The following SMURF2 variants were observed in gnomAD, a reference collection of about 807,000 sequenced individuals.
SMURF2 encodes SMAD specific E3 ubiquitin protein ligase 2, also known as E3 ubiquitin-protein ligase SMURF2.
In SMURF2, 48 loss-of-function variants were observed where a neutral mutation model predicts 109.6. The ratio of observed to expected loss-of-function variants is 0.44; its 90% CI spans 0.35 to 0.56. The LOEUF is 0.56. SMURF2 is among the 20% of genes least tolerant of loss of function. The probability of loss-of-function intolerance (pLI) is 0.01; values close to 1 mark genes in which losing one functional copy is unlikely to be tolerated. For synonymous variants in SMURF2, 288 were observed against 317.1 expected (o/e 0.91, Z 0.97); for missense variants, 575 against 909.0 (o/e 0.63, Z 4.72).
chr17:64,568,718 C>G (rs1555685307), intron 10 of SMURF2, among the ~76,000 whole-genome samples: 1 of 151,962 alleles, frequency 6.6e-6, no homozygotes, highest in Non-Finnish European at 1.5e-5. Flanking sequence ...TAAAAAAACC[C>G]AGGCCGGGCA....
At chr17:64,627,651 C>T (rs1393317157) in intron 1 of SMURF2, among the ~76,000 whole-genome samples, 2 of 152,152 alleles carry the variant, frequency 1.3e-5, no homozygotes, top group African/African-American at 2.4e-5. Context: ...TAGTCTGCTG[C>T]GGCCAATGCA....
intron 5 of SMURF2, among the ~76,000 whole-genome samples, chr17:64,590,695 T>C (rs1176070602): frequency 1.2e-4 from 19 of 152,306 alleles, no homozygotes; most frequent in African/African-American, 3.4e-4. Flanking sequence ...TCAATTAGCA[T>C]AGATTTTAAA....
At chr17:64,553,460 T>G (rs76880115) in intron 15 of SMURF2, among the ~76,000 whole-genome samples, 14,261 of 151,640 alleles carry the variant, frequency 0.094, 1,088 homozygotes, top group African/African-American at 0.2. Context: ...AGCCAAGATC[T>G]TGCCACTGCA....
chr17:64,598,623 G>T (rs2144663537), intron 2 of SMURF2, 133 bp from the exon 3 acceptor site: 2 of 615,862 alleles, frequency 3.2e-6, no homozygotes, highest in Non-Finnish European at 5.1e-6. Flanking sequence ...TAAATGAATA[G>T]TCCATTTTTT....
rs782487689 is a variant in SMURF2, at chr17:64,580,926, A to T, written c.635T>A (p.Ile212Asn). ...ACATGTTGCACCATTTGTTCCACTA[A>T]TTGGAGTGTTCTCATCAACAAAGCA... The part of the protein sequence containing the change: ...LSCFVDENTP[I>N]SGTNGATCGQ... Residue 212 changes from isoleucine to asparagine, a missense_variant, in exon 8 of 19, where the codon ATT (isoleucine) becomes AAT (asparagine). Around this residue, in one of 5 missense-constraint regions of SMURF2, gnomAD observed 151 missense variants for 178.4 expected, o/e 0.85. Transcript: ENST00000262435. 6.2e-7 allele frequency: 1 copy of T among 1,614,160 alleles called. No individual in the cohort carries two copies. The highest frequency in any genetic ancestry group is 1.1e-5 in the South Asian group (1 of 91,088).
intron 1 of SMURF2, among the ~76,000 whole-genome samples, chr17:64,653,597 C>G (rs904407243): frequency 1.3e-5 from 2 of 152,172 alleles, no homozygotes; most frequent in Admixed American, 6.5e-5. Flanking sequence ...ACTACAGGCA[C>G]AGGCCACACC....
Position 64,626,835 on chromosome 17 carries a change from A to G in SMURF2, c.53-20195T>C, listed in dbSNP as rs1404654460. Among the ~76,000 whole-genome samples the G allele has an allele frequency of 3.3e-5, 5 of 152,222 alleles. No homozygotes were observed. In the East Asian group the frequency reaches 5.8e-4, roughly 18 times the overall value. On this transcript the variant is annotated intron_variant, in intron 1 of 18. Coordinates refer to ENST00000262435, the MANE Select transcript of SMURF2 (RefSeq NM_022739.4). ...TTGTCATTAAAAAATTGATGAAATT[A>G]TAACTATAAAATAGACAAAATCTAT...
chr17:64,643,629 C>T (rs1970519708), intron 1 of SMURF2, among the ~76,000 whole-genome samples: 1 of 152,170 alleles, frequency 6.6e-6, no homozygotes, highest in African/African-American at 2.4e-5. Flanking sequence ...CATTGCTAGT[C>T]CCTAGGTGCT....
chr17:64,601,864 GTA>G lies in SMURF2; in HGVS notation c.92-3376_92-3375del, dbSNP rs1555688605. 1.4e-4 allele frequency among the ~76,000 whole-genome samples: 21 copies of G among 147,830 alleles called. 1 individual carries two copies. Among genetic ancestry groups the G allele is most frequent in the African/African-American group, 4.9e-4 (20 of 40,502 alleles). ...TGTGTGTGTGTGTATATGTGTGTGT[GTA>G]TATATATGTTTATATTATATAATTA... On this transcript the variant is annotated intron_variant, in intron 2 of 18. Transcript: ENST00000262435.
chr17:64,556,841 A>T (rs1239558192), intron 13 of SMURF2, among the ~76,000 whole-genome samples: 1 of 152,150 alleles, frequency 6.6e-6, no homozygotes, highest in Non-Finnish European at 1.5e-5. Context: ...CTCGTCTTTA[A>T]ACCTTTTATC....
intron 14 of SMURF2, among the ~76,000 whole-genome samples, chr17:64,555,402 C>T (rs185961739): frequency 9.9e-5 from 15 of 152,278 alleles, no homozygotes; most frequent in Non-Finnish European, 1.8e-4. Context: ...AAATAATGAC[C>T]TCTTGCAAAA....
At chr17:64,652,477 G>T (rs1181502465) in intron 1 of SMURF2, among the ~76,000 whole-genome samples, 1 of 152,054 alleles carries the variant, frequency 6.6e-6, no homozygotes, top group African/African-American at 2.4e-5. Context: ...TATGTATACT[G>T]TCAACTGATT....
chr17:64,642,746 T>C (rs556021681), intron 1 of SMURF2, among the ~76,000 whole-genome samples: 1 of 152,136 alleles, frequency 6.6e-6, no homozygotes, highest in Admixed American at 6.5e-5. Context: ...AAGTTCACAG[T>C]GCTATGGAGA....
intron 10 of SMURF2, among the ~76,000 whole-genome samples, chr17:64,568,671 C>A (rs540325513): frequency 6.6e-6 from 1 of 152,128 alleles, no homozygotes; most frequent in Non-Finnish European, 1.5e-5. Context: ...TCCTTATCAT[C>A]TCCCCAAATT....
At position 64,593,569 on chromosome 17, in the gene SMURF2, T is replaced by C. The variant is rs1415687742; in HGVS notation, c.205A>G (p.Ile69Val). The stretch of plus-strand genomic sequence containing the variant: ...ATCGTAACTGAATCAGACTTTCCAA[T>C]ATACCTAAAAAACAAAACGGCTGCA... ...PKWNQHYDLYIGKSDSVTISV... is the reference protein window; with the variant it reads ...PKWNQHYDLYVGKSDSVTISV... The change falls in exon 4 of 19, where the codon ATT (isoleucine) becomes GTT (valine). Residue 69 changes from isoleucine to valine, a missense_variant. Ile to Val is a conservative substitution (Grantham distance 29). Coordinates refer to ENST00000262435, the MANE Select transcript of SMURF2 (RefSeq NM_022739.4). The C allele has an allele frequency of 4.5e-6, 7 of 1,550,494 alleles. No homozygotes were observed. In the African/African-American group the frequency reaches 5.5e-5, roughly 12 times the overall value.
chr17:64,640,004 T>G (rs539766140), intron 1 of SMURF2, among the ~76,000 whole-genome samples: 1 of 152,174 alleles, frequency 6.6e-6, no homozygotes, highest in East Asian at 1.9e-4. Flanking sequence ...TAATGTAAGA[T>G]TAGTTTAGTT....
chr17:64,580,629 T>C (rs1172474915), intron 8 of SMURF2, among the ~76,000 whole-genome samples, 160 bp downstream of exon 8: 1 of 152,256 alleles, frequency 6.6e-6, no homozygotes, highest in Non-Finnish European at 1.5e-5. Context: ...GGTAGTCATC[T>C]ACCACTTCAA....
chr17:64,612,087 G>A (rs868928288), intron 1 of SMURF2, among the ~76,000 whole-genome samples: 2 of 151,208 alleles, frequency 1.3e-5, no homozygotes, highest in African/African-American at 4.9e-5. Context: ...AGCTTTCCCC[G>A]CTTGTATTTT....
At chr17:64,571,699 G>T in intron 10 of SMURF2, 99 bp downstream of exon 10, 2 of 1,275,084 alleles carry the variant, frequency 1.6e-6, no homozygotes, top group Non-Finnish European at 2.1e-6. Flanking sequence ...GATTAAAGGC[G>T]TGAGCCACTG....
Sources: allele counts gnomAD v4.1 joint callset (sites outside exome capture counted in the v4.1 genomes callset), GRCh38; gene constraint gnomAD v4.1.1; regional missense constraint gnomAD v4.1.1; transcripts MANE v1.5; gene names NCBI Gene and HGNC (gene_info 2026-07-23, HGNC 2026-07-21).